Variants in NDUFS2 observed in about 807,000 individuals in gnomAD.
NDUFS2 encodes NADH:ubiquinone oxidoreductase core subunit S2.
NDUFS2 carries 38 observed loss-of-function variants against 69.6 expected under a neutral mutation model. The ratio of observed to expected loss-of-function variants is 0.55; its 90% CI spans 0.42 to 0.72. The LOEUF is 0.72. Ranked by LOEUF, NDUFS2 falls within the 30% of genes least tolerant of loss-of-function variation. The pLI is 0.00. For synonymous variants in NDUFS2, 194 were observed against 211.2 expected (o/e 0.92, Z 0.70); for missense variants, 468 against 595.0 (o/e 0.79, Z 2.22).
rs147752168 is a variant in NDUFS2, at chr1:161,206,679, C to T, written c.393+82C>T. 4.3e-3 allele frequency: 6,165 copies of T among 1,442,022 alleles called. 65 individuals carry two copies. Among genetic ancestry groups the T allele is most frequent in the South Asian group, 0.021 (1,740 of 81,932 alleles). The allele number at this position is 1,442,022 out of a possible 1,614,324, so 89.3% of individuals were successfully genotyped here. On this transcript the variant is annotated intron_variant, in intron 3 of 13. Coordinates refer to ENST00000676972, the MANE Select transcript of NDUFS2 (RefSeq NM_001377299.1). Reference sequence around the variant, plus strand: ...CTTTGCCAGTTTGCTGCCCTTAAAACGTGAGGGGAGGAAGGTGTTGAGAGG... The same window carrying T: ...CTTTGCCAGTTTGCTGCCCTTAAAATGTGAGGGGAGGAAGGTGTTGAGAGG...
At position 161,203,492 on chromosome 1, in the gene NDUFS2, GT is replaced by G. The variant is rs747692537; in HGVS notation, c.153del (p.Met52CysfsTer26). 1.2e-6 allele frequency: 2 copies of G among 1,613,992 alleles called. No individual in the cohort carries two copies. The highest frequency in any genetic ancestry group is 2.7e-5 in the African/African-American group (2 of 74,920). On this transcript the variant is annotated frameshift_variant, in exon 2 of 14. Coordinates refer to ENST00000676972, the MANE Select transcript of NDUFS2 (RefSeq NM_001377299.1). LOFTEE classifies it high-confidence loss of function. Reference sequence around the variant, plus strand: ...ATGGGCACAGCAGTTTGGGGGAGCTGTTATGTACCCAAGCAAAGAAACAGCC... The same window carrying G: ...ATGGGCACAGCAGTTTGGGGGAGCTGTATGTACCCAAGCAAAGAAACAGCC... ...VEWAQQFGGA[V>X]MYPSKETAHW...
chr1:161,212,308 C>T (rs1336045321), intron 9 of NDUFS2, 43 bp from the exon 10 acceptor site: 2 of 1,611,926 alleles, frequency 1.2e-6, no homozygotes, highest in Admixed American at 3.3e-5. Flanking sequence ...CCCATACCTG[C>T]TCCTCTGACT....
Position 161,209,208 on chromosome 1 carries a change from G to T in NDUFS2, c.409G>T (p.Asp137Tyr). The T allele has an allele frequency of 1.2e-6, 2 of 1,614,068 alleles. No homozygotes were observed. Among genetic ancestry groups the T allele is most frequent in the South Asian group, 2.2e-5 (2 of 91,048 alleles). ...CTCTTCCCAGGCCCTTCCATACTTT[G>T]ACCGGCTAGACTATGTGTCCATGAT... is the stretch of plus-strand genomic sequence containing the variant. Reference protein sequence around the residue: ...KTYLQALPYFDRLDYVSMMCN... With the variant: ...KTYLQALPYFYRLDYVSMMCN... Residue 137 changes from aspartate (D) to tyrosine (Y), a missense_variant, in exon 4 of 14, where the codon GAC (aspartate) becomes TAC (tyrosine). Asp to Tyr is a radical substitution (Grantham distance 160, BLOSUM62 -3). This residue lies in a region of NDUFS2 where 339 missense variants were observed against 433.8 expected (regional missense o/e 0.78). Transcript: ENST00000676972.
upstream of NDUFS2, among the ~76,000 whole-genome samples, chr1:161,201,827 G>C (rs984475034): frequency 6.6e-6 from 1 of 152,128 alleles, no homozygotes; most frequent in Non-Finnish European, 1.5e-5. Context: ...TTGGTTTGGC[G>C]GGAGCTCTCA....
intron 9 of NDUFS2, among the ~76,000 whole-genome samples, chr1:161,211,776 C>T (rs1665780854): frequency 6.6e-6 from 1 of 152,016 alleles, no homozygotes; most frequent in South Asian, 2.1e-4. Context: ...GTAGCTACTG[C>T]TGTTATTTTT....
intron 10 of NDUFS2, 166 bp from the exon 11 acceptor site, chr1:161,213,214 T>G (rs962194945): frequency 6.2e-6 from 4 of 640,900 alleles, no homozygotes; most frequent in African/African-American, 1.8e-5. Context: ...TATAAGAGAT[T>G]CTTAATCTCC....
chr1:161,202,773 A>G (rs1206680034), intron 1 of NDUFS2, among the ~76,000 whole-genome samples: 1 of 152,182 alleles, frequency 6.6e-6, no homozygotes, highest in Non-Finnish European at 1.5e-5. Context: ...AAGAGCCAGA[A>G]TGCTCGCTGT....
At position 161,213,137 on chromosome 1, in the gene NDUFS2, T is replaced by C. The variant is rs1437349406; in HGVS notation, c.1117-243T>C. ...CCAGGCTGGTCTTGAACACCTGACC[T>C]CTTGATCTGCCCACCTCAGCCTCCC... On this transcript the variant is annotated intron_variant, in intron 10 of 13. Coordinates refer to ENST00000676972, the MANE Select transcript of NDUFS2 (RefSeq NM_001377299.1). The C allele has an allele frequency of 7.0e-6, 3 of 426,090 alleles. No individual in the cohort carries two copies. In the East Asian group the frequency reaches 1.6e-4, roughly 23 times the overall value. 26.4% of individuals were successfully genotyped at this position (426,090 alleles called of 1,614,324 possible). A position where few individuals can be genotyped will look rare whatever the true frequency, so the allele number is the denominator to read the frequency against.
upstream of NDUFS2, chr1:161,198,706 T>G: frequency 2.3e-6 from 3 of 1,330,218 alleles, no homozygotes; most frequent in South Asian, 3.1e-5. The surrounding 1 kb of genome is among the most constrained non-coding windows in gnomAD (Gnocchi z 4.7). Flanking sequence ...GGAAAGCTCC[T>G]CTCTGTAGCC....
upstream of NDUFS2, chr1:161,197,913 G>A (rs1664921272): frequency 1.3e-6 from 2 of 1,503,052 alleles, no homozygotes; most frequent in South Asian, 1.4e-5. Context: ...AAGTGTAAGT[G>A]GGTGGAGAGA....
At chr1:161,202,338 A>T (rs756426534), upstream of NDUFS2, 1 of 1,559,724 alleles carries the variant, frequency 6.4e-7, no homozygotes, top group South Asian at 1.2e-5. Context: ...GGCGCGCTGG[A>T]GTTACTTCCG....
chr1:161,197,547 T>G, upstream of NDUFS2: 1 of 166,306 alleles, frequency 6.0e-6, no homozygotes, highest in Non-Finnish European at 1.3e-5. Context: ...GCCACAGTGA[T>G]TTTAAAGGCA....
chr1:161,207,269 C>T (rs1665519208), intron 3 of NDUFS2, among the ~76,000 whole-genome samples: 1 of 152,162 alleles, frequency 6.6e-6, no homozygotes. Context: ...AGTTTCTGGT[C>T]CTGGAGTCTA....
upstream of NDUFS2, chr1:161,202,366 C>G (rs201554004): frequency 6.2e-7 from 1 of 1,604,642 alleles, no homozygotes; most frequent in Non-Finnish European, 8.5e-7. Flanking sequence ...CTCCTTCCCG[C>G]AGTCTGCAGC....
intron 13 of NDUFS2, 48 bp from the exon 14 acceptor site, chr1:161,214,108 A>G (rs1411952517): frequency 6.2e-7 from 1 of 1,613,944 alleles, no homozygotes; most frequent in Non-Finnish European, 8.5e-7. Flanking sequence ...TTTGCCTCAC[A>G]ACAGGAAGAT....
intron 2 of NDUFS2, among the ~76,000 whole-genome samples, chr1:161,205,120 TGAA>T (rs1234694345): frequency 1.3e-5 from 2 of 152,040 alleles, no homozygotes; most frequent in Non-Finnish European, 2.9e-5. Flanking sequence ...AAGCCCATCA[TGAA>T]GAATTTTGGT....
chr1:161,201,521 C>T (rs1382181766), upstream of NDUFS2, among the ~76,000 whole-genome samples: 2 of 152,252 alleles, frequency 1.3e-5, no homozygotes, highest in Non-Finnish European at 2.9e-5. Flanking sequence ...GAATTGTGAT[C>T]AGACTCCTGG....
chr1:161,201,550 C>T (rs1259765925), upstream of NDUFS2, among the ~76,000 whole-genome samples: 1 of 152,224 alleles, frequency 6.6e-6, no homozygotes, highest in African/African-American at 2.4e-5. Context: ...CATTTCCGTG[C>T]TGTTGGCCAT....
chr1:161,214,200 G>A lies in NDUFS2; in HGVS notation c.*7G>A, dbSNP rs1482043364. On this transcript the variant is annotated 3_prime_UTR_variant, in exon 14 of 14. Coordinates refer to ENST00000676972, the MANE Select transcript of NDUFS2 (RefSeq NM_001377299.1). Reference sequence around the variant, plus strand: ...TGGAGAAGTAGATCGGTGAGCAGGGGAGCAGCGTTTGATCCCCCCTGCCTA... The same window carrying A: ...TGGAGAAGTAGATCGGTGAGCAGGGAAGCAGCGTTTGATCCCCCCTGCCTA... 15 of 1,612,692 alleles carry A rather than the reference G, an allele frequency of 9.3e-6. No individual in the cohort carries two copies. The highest frequency in any genetic ancestry group is 1.2e-5 in the Non-Finnish European group (14 of 1,178,924).
Sources: allele counts gnomAD v4.1 joint callset (sites outside exome capture counted in the v4.1 genomes callset), GRCh38; gene constraint gnomAD v4.1.1; regional missense constraint gnomAD v4.1.1; non-coding constraint Gnocchi (gnomAD v3.1); transcripts MANE v1.5; gene names NCBI Gene and HGNC (gene_info 2026-07-23, HGNC 2026-07-21).